The following FAT3 variants were observed in gnomAD, a reference collection of about 807,000 sequenced individuals.
FAT3 encodes protocadherin Fat 3.
FAT3 carries 95 observed loss-of-function variants against 310.2 expected under a neutral mutation model. The observed-to-expected ratio is 0.31, with a 90% CI of 0.26 to 0.36. The LOEUF (loss-of-function observed/expected upper bound fraction) is 0.36. Among genes scored for constraint, FAT3 ranks in the 10% least tolerant of loss-of-function variants. FAT3 has a pLI of 1.00. For synonymous variants in FAT3, 2,314 were observed against 2,192.9 expected (o/e 1.06, Z -1.54); for missense variants, 5,408 against 5,715.6 (o/e 0.95, Z 1.74).
intron 1 of FAT3, among the ~76,000 whole-genome samples, chr11:92,249,310 A>G (rs1865046246): frequency 6.6e-6 from 1 of 152,076 alleles, no homozygotes; most frequent in African/African-American, 2.4e-5. Context: ...GTTTGTGTGT[A>G]CAGACTCACC....
In FAT3 at chr11:92,801,758, A is replaced by T. The variant is rs531004821; in HGVS notation, c.8745A>T (p.Thr2915=). ...SSTALVSVRV[T]DINDNAPVFA... ...CGGCCTTGGTCTCTGTCAGAGTGAC[A>T]GATATAAATGACAATGCACCAGTCT... Residue 2915 remains threonine (T), a synonymous_variant, in exon 10 of 28, where the codon ACA becomes ACT. Transcript: ENST00000525166. 3.1e-6 allele frequency: 5 copies of T among 1,613,958 alleles called. No homozygotes were observed. In the African/African-American group the frequency reaches 5.3e-5, roughly 17 times the overall value.
chr11:92,659,093 A>G (rs919683212), intron 3 of FAT3, among the ~76,000 whole-genome samples: 2 of 152,136 alleles, frequency 1.3e-5, no homozygotes, highest in African/African-American at 4.8e-5. Flanking sequence ...GGTTATGGAA[A>G]AGAGAAAAGA....
rs550742492 is a variant in FAT3, at chr11:92,231,396, C to A, written c.-18+6222C>A. Among the ~76,000 whole-genome samples, 5 of 152,298 alleles carry A rather than the reference C, an allele frequency of 3.3e-5. No individual in the cohort carries two copies. In the East Asian group the frequency reaches 7.7e-4, roughly 23 times the overall value. ...TGAAAAGGCAGACTTTTACCTTGGA[C>A]GTTCTCTATGACTTGATCCTACTTG... On this transcript the variant is annotated intron_variant, in intron 1 of 27. Coordinates refer to ENST00000525166, the MANE Select transcript of FAT3 (RefSeq NM_001367949.2).
intron 3 of FAT3, among the ~76,000 whole-genome samples, chr11:92,557,797 A>G (rs1296262996): frequency 6.6e-6 from 1 of 152,174 alleles, no homozygotes; most frequent in Non-Finnish European, 1.5e-5. Context: ...ATGTCCTGAA[A>G]TCTTGGCCTA....
At chr11:92,768,630 C>G (rs1185756487) in intron 6 of FAT3, among the ~76,000 whole-genome samples, 23 of 152,158 alleles carry the variant, frequency 1.5e-4, no homozygotes, top group Admixed American at 1.5e-3. Context: ...TCTCTGTTCC[C>G]TTCCTCCTTA....
At chr11:92,225,310 G>C (rs1458209) in intron 1 of FAT3, among the ~76,000 whole-genome samples, 136 bp downstream of exon 1, 1 of 151,958 alleles carries the variant, frequency 6.6e-6, no homozygotes, top group African/African-American at 2.4e-5. Context: ...GACGAAGCGC[G>C]TGGGGGAAAC....
chr11:92,248,974 G>A (rs1281201396), intron 1 of FAT3, among the ~76,000 whole-genome samples: 4 of 152,024 alleles, frequency 2.6e-5, no homozygotes, highest in South Asian at 2.1e-4. Flanking sequence ...GATTACCTAC[G>A]ATCACATAAC....
At chr11:92,302,044 C>T (rs1013875380) in intron 1 of FAT3, among the ~76,000 whole-genome samples, 3 of 151,574 alleles carry the variant, frequency 2.0e-5, no homozygotes, top group Admixed American at 6.6e-5. Context: ...CATGCAGATA[C>T]ACACACACAC....
At chr11:92,868,487 A>G (rs1949302035) in intron 22 of FAT3, among the ~76,000 whole-genome samples, 1 of 152,230 alleles carries the variant, frequency 6.6e-6, no homozygotes, top group Non-Finnish European at 1.5e-5. Context: ...CAGTGGTTCT[A>G]TAAACCAGCC....
In FAT3 at chr11:92,801,874, C is replaced by G; in HGVS notation, c.8861C>G (p.Ser2954Cys). The change falls in exon 10 of 28, where the codon TCC becomes TGC. Residue 2954 changes from serine (S) to cysteine (C), a missense_variant. Transcript: ENST00000525166. Reference sequence around the variant, plus strand: ...CTCAGCACCTGGGACAGAGACACATCCGACGTTAATCGCCAAGTGAGCTAC... The same window carrying G: ...CTCAGCACCTGGGACAGAGACACATGCGACGTTAATCGCCAAGTGAGCTAC... ...AVLSTWDRDT[S>C]DVNRQVSYHI... 1 of 1,613,862 alleles carries G rather than the reference C, an allele frequency of 6.2e-7. No individual in the cohort carries two copies. Among genetic ancestry groups the G allele is most frequent in the Non-Finnish European group, 8.5e-7 (1 of 1,179,804 alleles).
intron 21 of FAT3, among the ~76,000 whole-genome samples, chr11:92,862,796 A>G (rs544305510): frequency 2.0e-4 from 31 of 152,216 alleles, no homozygotes; most frequent in Non-Finnish European, 4.4e-5. Flanking sequence ...TTTCACATAC[A>G]TGTAATTTCG....
At chr11:92,639,890 G>A (rs543188220) in intron 3 of FAT3, among the ~76,000 whole-genome samples, 8 of 152,224 alleles carry the variant, frequency 5.3e-5, no homozygotes, top group East Asian at 1.9e-4. Flanking sequence ...GGAAAGGGCC[G>A]GAGCTACATT....
rs375962719 is a variant in FAT3, at chr11:92,890,552, G to C, written c.13209G>C (p.Val4403=). Reference sequence around the variant, plus strand: ...CCCGCCTGTCGGACATAGAGGAAGTGCCCAACTATGAGAACCAGGATGGAG... The same window carrying C: ...CCCGCCTGTCGGACATAGAGGAAGTCCCCAACTATGAGAACCAGGATGGAG... ...PGARLSDIEE[V]PNYENQDGGS... Residue 4403 remains valine (V), a synonymous_variant, in exon 28 of 28, where the codon GTG becomes GTC. Coordinates refer to ENST00000525166, the MANE Select transcript of FAT3 (RefSeq NM_001367949.2). 2 of 1,612,574 alleles carry C rather than the reference G, an allele frequency of 1.2e-6. No individual in the cohort carries two copies. Among genetic ancestry groups the C allele is most frequent in the Non-Finnish European group, 1.7e-6 (2 of 1,179,558 alleles).
chr11:92,411,692 G>T (rs1331068076), intron 2 of FAT3, among the ~76,000 whole-genome samples: 1 of 152,016 alleles, frequency 6.6e-6, no homozygotes, highest in Non-Finnish European at 1.5e-5. Context: ...AGCAAAGTTC[G>T]CAAAGTCATT....
intron 3 of FAT3, among the ~76,000 whole-genome samples, chr11:92,658,680 C>T (rs1942666830): frequency 6.6e-6 from 1 of 152,166 alleles, no homozygotes; most frequent in Non-Finnish European, 1.5e-5. Flanking sequence ...CAGTTTTAGT[C>T]TTTCAGATAT....
At chr11:92,587,408 T>A (rs568788436) in intron 3 of FAT3, among the ~76,000 whole-genome samples, 1 of 152,094 alleles carries the variant, frequency 6.6e-6, no homozygotes, top group South Asian at 2.1e-4. Flanking sequence ...TGCTTTTACT[T>A]TTTTCCCCTT....
At chr11:92,557,313 C>G (rs1955057014) in intron 3 of FAT3, among the ~76,000 whole-genome samples, 1 of 152,094 alleles carries the variant, frequency 6.6e-6, no homozygotes, top group Non-Finnish European at 1.5e-5. Context: ...CTTTCCGTCT[C>G]CCAGGATTCC....
At chr11:92,603,907 C>T (rs181584840) in intron 3 of FAT3, among the ~76,000 whole-genome samples, 1 of 152,276 alleles carries the variant, frequency 6.6e-6, no homozygotes, top group East Asian at 1.9e-4. Context: ...ATCCTGAAAA[C>T]AAACTGGGAT....
At chr11:92,610,315 C>T (rs928460235) in intron 3 of FAT3, among the ~76,000 whole-genome samples, 2 of 152,124 alleles carry the variant, frequency 1.3e-5, no homozygotes, top group Non-Finnish European at 2.9e-5. Flanking sequence ...ATTTTTTAGA[C>T]ACAACCAGGA....
Sources: gnomAD v4.1 joint callset for allele counts (sites outside exome capture counted in the v4.1 genomes callset) on GRCh38, gnomAD v4.1.1 for gene constraint, MANE v1.5 for transcripts, NCBI Gene and HGNC (gene_info 2026-07-23, HGNC 2026-07-21) for gene names.